Variants in ARHGAP15 observed in about 807,000 individuals in gnomAD.
ARHGAP15 encodes rho GTPase-activating protein 15.
ARHGAP15 carries 51 observed loss-of-function variants against 63.7 expected under a neutral mutation model. The ratio of observed to expected loss-of-function variants is 0.80; its 90% CI spans 0.64 to 1.01. ARHGAP15 has a LOEUF of 1.01. Ranked by LOEUF, ARHGAP15 falls within the 50% of genes least tolerant of loss-of-function variation. The pLI is 0.00. For missense variants in ARHGAP15, 560 were observed against 564.6 expected, an observed-to-expected ratio of 0.99 and a Z score of 0.08; for synonymous variants, 191 against 193.8, an observed-to-expected ratio of 0.99 and a Z score of 0.12.
At chr2:143,389,421 C>T (rs1190992084) in intron 6 of ARHGAP15, among the ~76,000 whole-genome samples, 1 of 152,120 alleles carries the variant, frequency 6.6e-6, no homozygotes, top group Non-Finnish European at 1.5e-5. Context: ...ACAAAAACTT[C>T]CCTCCTTTAA....
intron 6 of ARHGAP15, among the ~76,000 whole-genome samples, chr2:143,317,511 G>A (rs1307748785): frequency 6.6e-6 from 1 of 152,200 alleles, no homozygotes; most frequent in African/African-American, 2.4e-5. Flanking sequence ...TTGAGAAGTA[G>A]GTGATATAGT....
chr2:143,645,379 G>A (rs1408919793), intron 12 of ARHGAP15, among the ~76,000 whole-genome samples: 2 of 151,994 alleles, frequency 1.3e-5, no homozygotes, highest in African/African-American at 4.8e-5. Flanking sequence ...TGTAGGGTCA[G>A]CAGGATCCAG....
intron 11 of ARHGAP15, among the ~76,000 whole-genome samples, chr2:143,612,922 TGA>T (rs1412629721): frequency 8.5e-5 from 13 of 152,238 alleles, no homozygotes; most frequent in Admixed American, 8.5e-4. Flanking sequence ...GAATAGTGCC[TGA>T]GAAGTGCTCA....
At chr2:143,635,704 G>A (rs1680275802) in intron 12 of ARHGAP15, among the ~76,000 whole-genome samples, 2 of 152,146 alleles carry the variant, frequency 1.3e-5, no homozygotes, top group Admixed American at 1.3e-4. Flanking sequence ...TTTCCCTAAG[G>A]ATAGGCTCAT....
chr2:143,453,156 T>A (rs974509958), intron 8 of ARHGAP15, among the ~76,000 whole-genome samples: 1 of 151,950 alleles, frequency 6.6e-6, no homozygotes, highest in African/African-American at 2.4e-5. Context: ...ATTAAGTGAC[T>A]GAGGCACTGA....
chr2:143,399,156 CT>C (rs1158951296), intron 6 of ARHGAP15, among the ~76,000 whole-genome samples: 1 of 152,064 alleles, frequency 6.6e-6, no homozygotes, highest in Non-Finnish European at 1.5e-5. Context: ...CCACCTGACA[CT>C]TTATGGACTG....
At position 143,153,821 on chromosome 2, in the gene ARHGAP15, CTTCTTCT is replaced by C. The variant is rs1558779262; in HGVS notation, c.-14-1654_-14-1648del. ...TCTTCTTCTTCTTCTTCTTCTTCTT[CTTCTTCT>C]TCTTCTTCTTCTTCTTCCTCCTCCT... On this transcript the variant is annotated intron_variant, in intron 1 of 13. Transcript: ENST00000295095. Among the ~76,000 whole-genome samples the C allele has an allele frequency of 7.8e-3, 673 of 86,654 alleles. 15 individuals carry two copies. Among genetic ancestry groups the C allele is most frequent in the African/African-American group, 0.016 (380 of 24,274 alleles). The allele number at this position is 86,654 out of a possible 152,430, so 56.8% of individuals were successfully genotyped here.
At chr2:143,476,028 G>A (rs1213575745) in intron 8 of ARHGAP15, among the ~76,000 whole-genome samples, 1 of 152,156 alleles carries the variant, frequency 6.6e-6, no homozygotes, top group Non-Finnish European at 1.5e-5. Flanking sequence ...ACTCATGTGG[G>A]TGAGAAAAAT....
chr2:143,153,690 T>C (rs929044227), intron 1 of ARHGAP15, among the ~76,000 whole-genome samples: 1 of 151,992 alleles, frequency 6.6e-6, no homozygotes, highest in African/African-American at 2.4e-5. Flanking sequence ...CCTCTATCCT[T>C]TCCCTAAGGA....
At chr2:143,188,049 TTTG>T (rs1349056652) in intron 2 of ARHGAP15, among the ~76,000 whole-genome samples, 4 of 152,176 alleles carry the variant, frequency 2.6e-5, no homozygotes, top group Admixed American at 2.6e-4. Flanking sequence ...GCTTTGTTTT[TTTG>T]TTGTTTCTTT....
At chr2:143,451,596 TAG>T (rs1176076603) in intron 8 of ARHGAP15, among the ~76,000 whole-genome samples, 1 of 151,950 alleles carries the variant, frequency 6.6e-6, no homozygotes, top group Non-Finnish European at 1.5e-5. Context: ...CATATTTAAA[TAG>T]AGTTAAATGT....
intron 8 of ARHGAP15, among the ~76,000 whole-genome samples, chr2:143,455,483 C>T (rs1459083905): frequency 1.3e-5 from 2 of 152,028 alleles, no homozygotes; most frequent in Non-Finnish European, 2.9e-5. Flanking sequence ...CTTGGGATTG[C>T]AGCCCCAGAG....
intron 13 of ARHGAP15, among the ~76,000 whole-genome samples, chr2:143,748,455 C>T (rs1686250121): frequency 6.6e-6 from 1 of 152,044 alleles, no homozygotes; most frequent in African/African-American, 2.4e-5. Flanking sequence ...TTTACTTGGC[C>T]CCACGATTAT....
At chr2:143,764,583 T>C (rs1686885197) in intron 13 of ARHGAP15, among the ~76,000 whole-genome samples, 1 of 152,102 alleles carries the variant, frequency 6.6e-6, no homozygotes, top group African/African-American at 2.4e-5. Flanking sequence ...TGAGTCCCCT[T>C]TGAGAGCTGA....
intron 13 of ARHGAP15, among the ~76,000 whole-genome samples, chr2:143,720,967 G>A (rs1316216731): frequency 6.7e-6 from 1 of 149,084 alleles, no homozygotes; most frequent in Non-Finnish European, 1.5e-5. Context: ...TACTCGGGAG[G>A]CTGAGGCAGA....
intron 6 of ARHGAP15, among the ~76,000 whole-genome samples, chr2:143,367,429 C>T (rs1453209448): frequency 6.6e-6 from 1 of 151,934 alleles, no homozygotes; most frequent in Non-Finnish European, 1.5e-5. Flanking sequence ...TCCTCCCCAT[C>T]CTGTTTTGAG....
chr2:143,750,112 T>C (rs776385841), intron 13 of ARHGAP15, among the ~76,000 whole-genome samples: 2 of 152,202 alleles, frequency 1.3e-5, no homozygotes, highest in Non-Finnish European at 2.9e-5. Context: ...TATAAAACAA[T>C]TGACAGAAAG....
intron 2 of ARHGAP15, among the ~76,000 whole-genome samples, chr2:143,169,371 T>A (rs977182316): frequency 8.6e-5 from 13 of 152,014 alleles, no homozygotes; most frequent in African/African-American, 3.1e-4. Flanking sequence ...TTTGAGTTGG[T>A]GATGCTGGCT....
At chr2:143,281,011 T>G (rs1681818368) in intron 6 of ARHGAP15, among the ~76,000 whole-genome samples, 2 of 152,146 alleles carry the variant, frequency 1.3e-5, no homozygotes, top group South Asian at 4.1e-4. Context: ...CATGTTTTAC[T>G]TACTACATGC....
Sources: gnomAD v4.1 joint callset for allele counts (sites outside exome capture counted in the v4.1 genomes callset) on GRCh38, gnomAD v4.1.1 for gene constraint, MANE v1.5 for transcripts, NCBI Gene and HGNC (gene_info 2026-07-23, HGNC 2026-07-21) for gene names.